The following SNX11 variants were observed in gnomAD, a reference collection of about 807,000 sequenced individuals.
The protein encoded by SNX11 is sorting nexin 11.
Under a neutral mutation model 30.7 loss-of-function variants are expected in SNX11, and 19 were observed. That is an observed-to-expected ratio of 0.62 (90% CI 0.43 to 0.91). SNX11 has a LOEUF of 0.91. Ranked by LOEUF, SNX11 falls within the 40% of genes least tolerant of loss-of-function variation. The pLI, the probability that SNX11 is intolerant of heterozygous loss-of-function variation, is 0.00. For missense variants in SNX11, 302 were observed against 326.7 expected (o/e 0.92, Z 0.58); for synonymous variants, 112 against 119.0 (o/e 0.94, Z 0.38).
intron 4 of SNX11, among the ~76,000 whole-genome samples, chr17:48,117,150 G>A (rs2063554128): frequency 6.6e-6 from 1 of 151,992 alleles, no homozygotes; most frequent in African/African-American, 2.4e-5. Context: ...CGCCTCCCAG[G>A]TTTAAGTGAT....
rs1014699952 is a variant in SNX11, at chr17:48,123,144, A to C, written c.*1636A>C. On this transcript the variant is annotated 3_prime_UTR_variant, in exon 7 of 7. Coordinates refer to ENST00000359238, the MANE Select transcript of SNX11 (RefSeq NM_013323.3). ...GTCTCTCCTTTATATGATGCAGCAG[A>C]GCAAGGCGAGGATAGAAAACCTACA... The C allele has an allele frequency of 6.6e-6, 1 of 152,256 alleles. No homozygotes were observed. Among genetic ancestry groups the C allele is most frequent in the East Asian group, 1.9e-4 (1 of 5,198 alleles). 9.4% of individuals were successfully genotyped at this position (152,256 alleles called of 1,614,324 possible). A position where few individuals can be genotyped will look rare whatever the true frequency, so the allele number is the denominator to read the frequency against.
chr17:48,114,012 T>C (rs1488340400), intron 4 of SNX11, among the ~76,000 whole-genome samples: 9 of 151,636 alleles, frequency 5.9e-5, no homozygotes, highest in Admixed American at 5.9e-4. Context: ...CCCACCACTA[T>C]GCCTGCCTAA....
chr17:48,114,822 C>T (rs993469430), intron 4 of SNX11, among the ~76,000 whole-genome samples: 1 of 151,320 alleles, frequency 6.6e-6, no homozygotes, highest in Non-Finnish European at 1.5e-5. Context: ...CCTGCCACCA[C>T]GCCTGGCTGA....
Position 48,109,375 on chromosome 17 carries a change from T to C in SNX11, c.-14+1537T>C, listed in dbSNP as rs1387144924. Reference sequence around the variant, plus strand: ...CCTGGGTTCAACTGATTCTCCTGCCTCAGTCTCCCGAGTAGCTGGGACTAC... The same window carrying C: ...CCTGGGTTCAACTGATTCTCCTGCCCCAGTCTCCCGAGTAGCTGGGACTAC... On this transcript the variant is annotated intron_variant, in intron 1 of 6. Transcript: ENST00000359238. Among the ~76,000 whole-genome samples, 3 of 150,280 alleles carry C rather than the reference T, an allele frequency of 2.0e-5. No individual in the cohort carries two copies. The East Asian group carries it at 5.9e-4, about 29-fold the overall frequency.
chr17:48,114,391 G>A (rs1489321601), intron 4 of SNX11, among the ~76,000 whole-genome samples: 1 of 151,446 alleles, frequency 6.6e-6, no homozygotes, highest in Non-Finnish European at 1.5e-5. Context: ...AACCTCAGGT[G>A]ATCTGCCTGC....
At chr17:48,107,949 G>C (rs1420353481) in intron 1 of SNX11, 111 bp downstream of exon 1, 1 of 152,304 alleles carries the variant, frequency 6.6e-6, no homozygotes, top group Non-Finnish European at 1.5e-5. Flanking sequence ...TTACATCCTA[G>C]GGAGGGACTC....
rs555697117 is a variant in SNX11 at position 48,109,477 on chromosome 17, C to T, written c.-14+1639C>T. 3.3e-3 allele frequency among the ~76,000 whole-genome samples: 494 copies of T among 151,572 alleles called. 7 individuals are homozygous for T. Among genetic ancestry groups the T allele is most frequent in the African/African-American group, 0.012 (482 of 41,306 alleles). Reference sequence around the variant, plus strand: ...GTTTCACCATGTTGGCCAGGATGGTCTCAATCTCTTGACCTCGTATTTCGC... The same window carrying T: ...GTTTCACCATGTTGGCCAGGATGGTTTCAATCTCTTGACCTCGTATTTCGC... On this transcript the variant is annotated intron_variant, in intron 1 of 6. Transcript: ENST00000359238.
At chr17:48,113,547 G>T (rs2063512187) in intron 4 of SNX11, 146 bp downstream of exon 4, 1 of 580,690 alleles carries the variant, frequency 1.7e-6, no homozygotes, top group East Asian at 3.0e-5. Context: ...TTGTTTTTTG[G>T]GTTTTTTTTT....
rs2063604812 is a variant in SNX11 at position 48,121,733 on chromosome 17, C to T, written c.*225C>T. The T allele has an allele frequency of 9.1e-6, 5 of 551,760 alleles. No individual in the cohort carries two copies. The highest frequency in any genetic ancestry group is 1.6e-5 in the Non-Finnish European group (5 of 309,886). 34.2% of individuals were successfully genotyped at this position (551,760 alleles called of 1,614,324 possible). The stretch of plus-strand genomic sequence containing the variant: ...GTAAGTTAAACATAAGACACAGGGG[C>T]TGTTGCTTTTGAACAGAACCCTATA... On this transcript the variant is annotated 3_prime_UTR_variant, in exon 7 of 7. Coordinates refer to ENST00000359238, the MANE Select transcript of SNX11 (RefSeq NM_013323.3).
intron 6 of SNX11, among the ~76,000 whole-genome samples, chr17:48,120,670 G>A (rs2063590531): frequency 6.6e-6 from 1 of 151,286 alleles, no homozygotes; most frequent in Admixed American, 6.6e-5. Flanking sequence ...CACCATGCCC[G>A]GCTAATTTTT....
rs138531036 is a variant in SNX11, at chr17:48,122,655, C to T, written c.*1147C>T. On this transcript the variant is annotated 3_prime_UTR_variant, in exon 7 of 7. Coordinates refer to ENST00000359238, the MANE Select transcript of SNX11 (RefSeq NM_013323.3). ...CTGGCTATCCTACCCTGTCTGTGGGCTCTTTTACTACCAGCCTATGCTGTG... is the reference window on the plus strand; with the variant it reads ...CTGGCTATCCTACCCTGTCTGTGGGTTCTTTTACTACCAGCCTATGCTGTG... The T allele has an allele frequency of 6.6e-6, 1 of 152,366 alleles. No homozygotes were observed. The highest frequency in any genetic ancestry group is 2.4e-5 in the African/African-American group (1 of 41,552). The allele number at this position is 152,366 out of a possible 1,614,324, so 9.4% of individuals were successfully genotyped here. A position where few individuals can be genotyped will look rare whatever the true frequency, so the allele number is the denominator to read the frequency against.
Position 48,121,304 on chromosome 17 carries a change from T to C in SNX11, c.609T>C (p.His203=). 5 of 1,614,116 alleles carry C rather than the reference T, an allele frequency of 3.1e-6. No individual in the cohort carries two copies. Among genetic ancestry groups the C allele is most frequent in the Non-Finnish European group, 4.2e-6 (5 of 1,179,994 alleles). Residue 203 remains histidine, a synonymous_variant, in exon 7 of 7, where the codon CAT becomes CAC. Coordinates refer to ENST00000359238, the MANE Select transcript of SNX11 (RefSeq NM_013323.3). The stretch of plus-strand genomic sequence containing the variant: ...CGCCTCCCAGTGAAGAAAAGGACCA[T>C]TTAGAAGTGTGGGCTCCAGTTGTTG... ...PSPPPSEEKD[H]LEVWAPVVDS...
rs1252158771 is a variant in SNX11, at chr17:48,121,386, T to C, written c.691T>C (p.Cys231Arg). The stretch of plus-strand genomic sequence containing the variant: ...TCTCCCACCCCTCTCCTCACCATTA[T>C]GCTGTGATTTTGGAAGACCCAAAGA... ...PTLPPLSSPL[C>R]CDFGRPKEGT... Residue 231 changes from cysteine (C) to arginine (R), a missense_variant, in exon 7 of 7, where the codon TGC becomes CGC. By Grantham distance (180) the Cys-to-Arg change is radical. Coordinates refer to ENST00000359238, the MANE Select transcript of SNX11 (RefSeq NM_013323.3). 1 of 1,614,224 alleles carries C rather than the reference T, an allele frequency of 6.2e-7. No individual in the cohort carries two copies. Among genetic ancestry groups the C allele is most frequent in the East Asian group, 2.2e-5 (1 of 44,880 alleles).
At chr17:48,113,566 T>TTC (rs2063513123) in intron 4 of SNX11, 165 bp downstream of exon 4, 1 of 421,794 alleles carries the variant, frequency 2.4e-6, no homozygotes, top group African/African-American at 2.3e-5. Flanking sequence ...TTTTTTTTGA[T>TTC]GTAGGGTCTT....
intron 4 of SNX11, among the ~76,000 whole-genome samples, chr17:48,115,367 T>C (rs960159418): frequency 6.6e-6 from 1 of 152,230 alleles, no homozygotes; most frequent in African/African-American, 2.4e-5. Flanking sequence ...CGGCCAGATA[T>C]ATGTTCTTAA....
At chr17:48,121,004 G>C (rs2063595532) in intron 6 of SNX11, among the ~76,000 whole-genome samples, 1 of 149,412 alleles carries the variant, frequency 6.7e-6, no homozygotes, top group Non-Finnish European at 1.5e-5. Context: ...TTTTTTTTCT[G>C]AGACAGAGTC....
intron 1 of SNX11, among the ~76,000 whole-genome samples, chr17:48,111,332 G>A (rs1472576734): frequency 6.6e-6 from 1 of 152,090 alleles, no homozygotes; most frequent in Admixed American, 6.6e-5. Flanking sequence ...GCCGGGAGGG[G>A]GTGCTGTTAG....
intron 4 of SNX11, among the ~76,000 whole-genome samples, chr17:48,117,557 GT>G (rs972771953): frequency 4.8e-4 from 69 of 143,962 alleles, no homozygotes; most frequent in Non-Finnish European, 4.4e-4. Flanking sequence ...GCGCCTGGCT[GT>G]TTTTTTTTTT....
chr17:48,108,786 T>G (rs2063460900), intron 1 of SNX11, among the ~76,000 whole-genome samples: 1 of 152,244 alleles, frequency 6.6e-6, no homozygotes, highest in Admixed American at 6.5e-5. Flanking sequence ...ATCAGAGAAC[T>G]AAAGTTAGGA....
Sources: allele counts gnomAD v4.1 joint callset (sites outside exome capture counted in the v4.1 genomes callset), GRCh38; gene constraint gnomAD v4.1.1; transcripts MANE v1.5; gene names NCBI Gene and HGNC (gene_info 2026-07-23, HGNC 2026-07-21).